The following CACNA1E variants were observed in gnomAD, a reference collection of about 807,000 sequenced individuals.
CACNA1E encodes voltage-dependent R-type calcium channel subunit alpha-1E.
A neutral mutation model predicts 259.2 loss-of-function variants in CACNA1E; 40 were observed. The ratio of observed to expected loss-of-function variants is 0.15; its 90% CI spans 0.12 to 0.20. The LOEUF (loss-of-function observed/expected upper bound fraction) is 0.20, where lower values mean the gene tolerates loss of function less well. Ranked by LOEUF, CACNA1E falls within the 10% of genes least tolerant of loss-of-function variation. The probability of loss-of-function intolerance (pLI) is 1.00; values close to 1 mark genes in which losing one functional copy is unlikely to be tolerated. For synonymous variants in CACNA1E, 1,104 were observed against 1,138.5 expected, an observed-to-expected ratio of 0.97 and a Z score of 0.61; for missense variants, 1,874 against 3,040.1, an observed-to-expected ratio of 0.62 and a Z score of 9.02.
chr1:181,551,980 A>C (rs1648217907), intron 3 of CACNA1E, among the ~76,000 whole-genome samples: 1 of 152,164 alleles, frequency 6.6e-6, no homozygotes, highest in Non-Finnish European at 1.5e-5. Context: ...CAAGAAGGAA[A>C]GCAGTGTAAG....
chr1:181,521,581 C>T (rs147624102), intron 3 of CACNA1E, among the ~76,000 whole-genome samples: 1 of 152,268 alleles, frequency 6.6e-6, no homozygotes, highest in Non-Finnish European at 1.5e-5. Flanking sequence ...ATCCTGTGTT[C>T]AAACATTGTG....
At chr1:181,335,674 G>T (rs1651652945) in intron 1 of CACNA1E, among the ~76,000 whole-genome samples, 1 of 152,202 alleles carries the variant, frequency 6.6e-6, no homozygotes, top group African/African-American at 2.4e-5. Context: ...CCTTCTGTCT[G>T]CCATCCAGGG....
chr1:181,726,004 C>T, intron 17 of CACNA1E, 61 bp from the exon 18 acceptor site: 3 of 1,156,704 alleles, frequency 2.6e-6, no homozygotes, highest in Non-Finnish European at 3.8e-6. Context: ...GGAGAGCAGC[C>T]AAGGGAAGCT....
intron 1 of CACNA1E, among the ~76,000 whole-genome samples, chr1:181,369,123 C>T (rs1322901429): frequency 3.3e-5 from 5 of 152,302 alleles, no homozygotes; most frequent in Admixed American, 6.5e-5. Flanking sequence ...TCAGGACATT[C>T]GTCACTTCAT....
intron 6 of CACNA1E, among the ~76,000 whole-genome samples, chr1:181,585,121 G>A (rs1288449212): frequency 2.6e-5 from 4 of 152,116 alleles, no homozygotes; most frequent in Non-Finnish European, 5.9e-5. Context: ...ACTAGTATCT[G>A]TTCATCTGTT....
At chr1:181,679,469 A>G (rs1649709602) in intron 7 of CACNA1E, among the ~76,000 whole-genome samples, 1 of 152,230 alleles carries the variant, frequency 6.6e-6, no homozygotes, top group Admixed American at 6.5e-5. Context: ...AACTCGGGCC[A>G]GAGCTCCTGG....
At chr1:181,633,447 G>A (rs1232595919) in intron 6 of CACNA1E, among the ~76,000 whole-genome samples, 1 of 152,096 alleles carries the variant, frequency 6.6e-6, no homozygotes, top group African/African-American at 2.4e-5. Flanking sequence ...GAATACCATG[G>A]TAGGCAGAGA....
chr1:181,383,845 A>G (rs2102006828), intron 1 of CACNA1E, among the ~76,000 whole-genome samples: 1 of 152,248 alleles, frequency 6.6e-6, no homozygotes, highest in East Asian at 1.9e-4. Flanking sequence ...TCCAGACCTG[A>G]CCCACAAAAC....
intron 1 of CACNA1E, among the ~76,000 whole-genome samples, chr1:181,353,714 A>C (rs1388854820): frequency 6.6e-6 from 1 of 152,184 alleles, no homozygotes; most frequent in African/African-American, 2.4e-5. Context: ...AATGCATCCC[A>C]TTGGCTAAAG....
intron 3 of CACNA1E, among the ~76,000 whole-genome samples, chr1:181,570,687 G>A (rs562871587): frequency 7.9e-5 from 12 of 152,298 alleles, no homozygotes; most frequent in African/African-American, 2.9e-4. Flanking sequence ...TATCTTCAGA[G>A]TCAGATGCAG....
intron 2 of CACNA1E, among the ~76,000 whole-genome samples, chr1:181,470,989 G>A (rs555435523): frequency 3.3e-5 from 5 of 152,292 alleles, no homozygotes; most frequent in Admixed American, 6.5e-5. Flanking sequence ...CAGTTACGGA[G>A]CCTGGGAAGT....
chr1:181,790,982 G>T (rs142527836), intron 44 of CACNA1E, among the ~76,000 whole-genome samples: 1 of 152,276 alleles, frequency 6.6e-6, no homozygotes, highest in Non-Finnish European at 1.5e-5. Context: ...ATTCCTTAGT[G>T]ATGCCCACCT....
intron 18 of CACNA1E, 24 bp downstream of exon 18, chr1:181,726,186 G>C (rs1185001967): frequency 1.3e-6 from 2 of 1,547,800 alleles, no homozygotes; most frequent in Admixed American, 3.4e-5. Flanking sequence ...CCCCTTCACT[G>C]ATCCCTGAGC....
intron 1 of CACNA1E, among the ~76,000 whole-genome samples, chr1:181,403,646 G>C (rs2102097894): frequency 6.6e-6 from 1 of 152,292 alleles, no homozygotes; most frequent in East Asian, 1.9e-4. Flanking sequence ...CAATTAAATG[G>C]CTTTGTAGAA....
At chr1:181,416,099 G>A (rs975630205) in intron 2 of CACNA1E, among the ~76,000 whole-genome samples, 1 of 152,158 alleles carries the variant, frequency 6.6e-6, no homozygotes, top group East Asian at 1.9e-4. Flanking sequence ...AGGGAAAGGG[G>A]AGGTCTGGAA....
intron 1 of CACNA1E, among the ~76,000 whole-genome samples, chr1:181,506,296 G>C (rs891049958): frequency 1.3e-5 from 2 of 152,202 alleles, no homozygotes; most frequent in African/African-American, 4.8e-5. Context: ...TCTTCACTTT[G>C]GGGATGTAGC....
intron 3 of CACNA1E, among the ~76,000 whole-genome samples, chr1:181,537,458 A>C (rs1168795784): frequency 6.6e-6 from 1 of 152,210 alleles, no homozygotes; most frequent in African/African-American, 2.4e-5. Context: ...GATTCATCAC[A>C]ACATCTAGCC....
chr1:181,726,676 C>T (rs1407908957), intron 18 of CACNA1E, among the ~76,000 whole-genome samples: 1 of 152,154 alleles, frequency 6.6e-6, no homozygotes, highest in African/African-American at 2.4e-5. Context: ...GCTGAAATCA[C>T]AAGAGGACTT....
At chr1:181,781,725 C>T (rs1215715738) in intron 39 of CACNA1E, among the ~76,000 whole-genome samples, 4 of 152,160 alleles carry the variant, frequency 2.6e-5, no homozygotes, top group Non-Finnish European at 5.9e-5. Context: ...GTTTTTAATA[C>T]TGTTCAACAT....
Sources: allele counts gnomAD v4.1 joint callset (sites outside exome capture counted in the v4.1 genomes callset), GRCh38; gene constraint gnomAD v4.1.1; transcripts MANE v1.5; gene names NCBI Gene and HGNC (gene_info 2026-07-23, HGNC 2026-07-21).